The following ACSL3 variants were observed in gnomAD, a reference collection of about 807,000 sequenced individuals.
The protein encoded by ACSL3 is acyl-CoA synthetase long chain family member 3.
Under a neutral mutation model 84.7 loss-of-function variants are expected in ACSL3, and 34 were observed. The observed-to-expected ratio is 0.40, with a 90% confidence interval of 0.31 to 0.53. The LOEUF (loss-of-function observed/expected upper bound fraction) is 0.53, where lower values mean the gene tolerates loss of function less well. ACSL3 is among the 20% of genes least tolerant of loss of function. The pLI is 0.48. For missense variants in ACSL3, 680 were observed against 873.1 expected (o/e 0.78, Z 2.79); for synonymous variants, 315 against 299.4 (o/e 1.05, Z -0.54).
At chr2:222,910,189 G>A (rs6436359) in intron 4 of ACSL3, among the ~76,000 whole-genome samples, 127,355 of 152,216 alleles carry the variant, frequency 0.84, 53,631 homozygotes, top group East Asian at 0.97. Context: ...AAATTAGATC[G>A]TGGAATAGTG....
intron 2 of ACSL3, among the ~76,000 whole-genome samples, chr2:222,890,382 T>G (rs1695815369): frequency 6.6e-6 from 1 of 152,232 alleles, no homozygotes; most frequent in South Asian, 2.1e-4. Context: ...TAAGCTATTG[T>G]ACCTCTTATA....
chr2:222,940,934 T>C (rs1458210705), intron 16 of ACSL3, among the ~76,000 whole-genome samples: 1 of 151,962 alleles, frequency 6.6e-6, no homozygotes, highest in Non-Finnish European at 1.5e-5. Context: ...GGGGTTTCGC[T>C]CTGTTGCCCA....
Position 222,927,037 on chromosome 2 carries a change from G to A in ACSL3, c.1313G>A (p.Arg438Gln), listed in dbSNP as rs780484128. The change falls in exon 12 of 17, where the codon CGA becomes CAA. Residue 438 changes from arginine to glutamine, a missense_variant. This residue lies in a region of ACSL3 where 347 missense variants were observed against 525.7 expected (regional missense o/e 0.66). Coordinates refer to ENST00000357430, the MANE Select transcript of ACSL3 (RefSeq NM_004457.5). ...LCDSFVFRKV[R>Q]SLLGGNIRLL... ...TTTAGCTTTGTTTTCCGGAAAGTTC[G>A]AAGCTTGCTAGGGGGAAATATTCGT... 1.9e-6 allele frequency: 3 copies of A among 1,612,794 alleles called. 1 individual carries two copies. The Admixed American group carries it at 5.0e-5, about 27-fold the overall frequency.
intron 16 of ACSL3, among the ~76,000 whole-genome samples, chr2:222,938,670 C>T (rs1276222007): frequency 6.6e-6 from 1 of 152,120 alleles, no homozygotes; most frequent in African/African-American, 2.4e-5. Context: ...ACTCCCATTT[C>T]TCTTCTCAGA....
At chr2:222,923,027 AT>A in intron 9 of ACSL3, 50 bp from the exon 10 acceptor site, 2 of 1,479,764 alleles carry the variant, frequency 1.4e-6, no homozygotes, top group Non-Finnish European at 1.9e-6. Context: ...ATACCATTGA[AT>A]TTTAAAAATA....
rs1697342579 is a variant in ACSL3 at position 222,942,600 on chromosome 2, CTA to C, written c.*948_*949del. The C allele has an allele frequency of 5.0e-6, 1 of 200,022 alleles. No individual in the cohort carries two copies. Among genetic ancestry groups the C allele is most frequent in the Non-Finnish European group, 1.0e-5 (1 of 97,434 alleles). The allele number at this position is 200,022 out of a possible 1,614,324, so 12.4% of individuals were successfully genotyped here. On this transcript the variant is annotated 3_prime_UTR_variant, in exon 17 of 17. Transcript: ENST00000357430. The stretch of plus-strand genomic sequence containing the variant: ...AACAAATTAGTCATGGAAAATTATT[CTA>C]TCTCAAAGTCTCCTTTTAGTCTAGA...
intron 12 of ACSL3, among the ~76,000 whole-genome samples, chr2:222,927,781 T>C (rs1304349679): frequency 6.6e-6 from 1 of 152,244 alleles, no homozygotes; most frequent in Non-Finnish European, 1.5e-5. Context: ...AGGATACAGC[T>C]GTGCTTCTCC....
chr2:222,877,275 T>C (rs899095687), intron 1 of ACSL3, among the ~76,000 whole-genome samples: 1 of 152,172 alleles, frequency 6.6e-6, no homozygotes, highest in South Asian at 2.1e-4. Flanking sequence ...GTTTTGTACT[T>C]GAGAGATGGT....
chr2:222,909,972 C>T (rs1157277587), intron 4 of ACSL3, among the ~76,000 whole-genome samples: 1 of 152,178 alleles, frequency 6.6e-6, no homozygotes, highest in African/African-American at 2.4e-5. Context: ...GGACTGGAAT[C>T]CAGGCCTTCT....
chr2:222,884,291 G>A (rs1695669302), intron 1 of ACSL3, among the ~76,000 whole-genome samples: 1 of 152,168 alleles, frequency 6.6e-6, no homozygotes, highest in African/African-American at 2.4e-5. Context: ...TCTGGATAAT[G>A]TTTCAACCAC....
At chr2:222,940,884 T>A (rs983409247) in intron 16 of ACSL3, among the ~76,000 whole-genome samples, 2 of 152,010 alleles carry the variant, frequency 1.3e-5, no homozygotes, top group Admixed American at 1.3e-4. Context: ...CCCTATTAGA[T>A]ACCTGTCTAA....
chr2:222,916,620 T>G, intron 5 of ACSL3, 124 bp downstream of exon 5: 3 of 1,095,400 alleles, frequency 2.7e-6, no homozygotes, highest in Non-Finnish European at 3.7e-6. Context: ...TGGAGAACTC[T>G]GTTGTGACTT....
intron 8 of ACSL3, 69 bp from the exon 9 acceptor site, chr2:222,922,639 C>T: frequency 1.3e-6 from 2 of 1,596,056 alleles, no homozygotes; most frequent in Non-Finnish European, 1.7e-6. Flanking sequence ...CAAGCTTGCT[C>T]CCATTATAGG....
intron 1 of ACSL3, among the ~76,000 whole-genome samples, chr2:222,873,631 A>G (rs781626540): frequency 6.6e-6 from 1 of 152,224 alleles, no homozygotes; most frequent in African/African-American, 2.4e-5. Flanking sequence ...GTATGTTAAC[A>G]AAAGTGGAAA....
At chr2:222,928,489 A>C (rs1290818596) in intron 12 of ACSL3, among the ~76,000 whole-genome samples, 1 of 152,204 alleles carries the variant, frequency 6.6e-6, no homozygotes, top group African/African-American at 2.4e-5. Context: ...AATGTAAGAC[A>C]ATGTGATGGG....
chr2:222,875,301 G>T (rs1695416934), intron 1 of ACSL3, among the ~76,000 whole-genome samples: 1 of 151,912 alleles, frequency 6.6e-6, no homozygotes, highest in Non-Finnish European at 1.5e-5. Context: ...CAAGAAGATT[G>T]GGGACGGAAG....
rs893796836 is a variant in ACSL3, at chr2:222,941,900, G to T, written c.*246G>T. On this transcript the variant is annotated 3_prime_UTR_variant, in exon 17 of 17. Transcript: ENST00000357430. ...CCTATGACTGTACTTGTCAGTATGA[G>T]AATTTTTCTGAATCATATTGGGGAA... The T allele has an allele frequency of 1.2e-5, 4 of 342,794 alleles. No individual in the cohort carries two copies. Among genetic ancestry groups the T allele is most frequent in the Admixed American group, 4.6e-5 (1 of 21,712 alleles). 21.2% of individuals were successfully genotyped at this position (342,794 alleles called of 1,614,324 possible). A position where few individuals can be genotyped will look rare whatever the true frequency, so the allele number is the denominator to read the frequency against.
At chr2:222,937,321 G>C (rs946356835) in intron 16 of ACSL3, among the ~76,000 whole-genome samples, 3 of 152,038 alleles carry the variant, frequency 2.0e-5, no homozygotes, top group African/African-American at 7.2e-5. Flanking sequence ...TATGAAGGTT[G>C]TGTGTGTGTC....
chr2:222,873,255 A>G (rs1411768261), intron 1 of ACSL3, among the ~76,000 whole-genome samples: 2 of 152,164 alleles, frequency 1.3e-5, no homozygotes, highest in Non-Finnish European at 2.9e-5. Flanking sequence ...ACCTGACCAT[A>G]TATTATGTTG....
Sources: allele counts gnomAD v4.1 joint callset (sites outside exome capture counted in the v4.1 genomes callset), GRCh38; gene constraint gnomAD v4.1.1; regional missense constraint gnomAD v4.1.1; transcripts MANE v1.5; gene names NCBI Gene and HGNC (gene_info 2026-07-23, HGNC 2026-07-21).